The following ORC5 variants were observed in gnomAD, a reference collection of about 807,000 sequenced individuals.
ORC5 encodes origin recognition complex subunit 5, also known as protein phosphatase 1, regulatory subunit 117.
ORC5 carries 39 observed loss-of-function variants against 58.8 expected under a neutral mutation model. The ratio of observed to expected loss-of-function variants is 0.66; its 90% CI spans 0.51 to 0.87. The LOEUF (loss-of-function observed/expected upper bound fraction) is 0.87, where lower values mean the gene tolerates loss of function less well. ORC5 is among the 40% of genes least tolerant of loss of function. The pLI is 0.00. For synonymous variants in ORC5, 218 were observed against 177.6 expected (o/e 1.23, Z -1.81); for missense variants, 493 against 506.3 (o/e 0.97, Z 0.25).
chr7:104,144,056 T>G (rs1798716543), intron 12 of ORC5, among the ~76,000 whole-genome samples: 1 of 151,872 alleles, frequency 6.6e-6, no homozygotes, highest in Admixed American at 6.6e-5. Flanking sequence ...GGGGTGGAGG[T>G]TGCAGTGAGC....
At chr7:104,167,708 A>C (rs192711178) in intron 9 of ORC5, among the ~76,000 whole-genome samples, 7 of 152,348 alleles carry the variant, frequency 4.6e-5, no homozygotes, top group African/African-American at 1.7e-4. Context: ...CTTAAGCATC[A>C]CTTTGAATCT....
At position 104,200,929 on chromosome 7, in the gene ORC5, T is replaced by A; in HGVS notation, c.195A>T (p.Glu65Asp). The change falls in exon 3 of 14, where the codon GAA (glutamate) becomes GAT (aspartate). Residue 65 changes from glutamate (E) to aspartate (D), a missense_variant. Coordinates refer to ENST00000297431, the MANE Select transcript of ORC5 (RefSeq NM_002553.4). ...ELPHVFVNCVECFTLRLLLEQ... is the reference protein window; with the variant it reads ...ELPHVFVNCVDCFTLRLLLEQ... The stretch of plus-strand genomic sequence containing the variant: ...CCAAAAGCAGCCTCAATGTAAAGCA[T>A]TCAACACAATTCACAAACACATGTG... 6.2e-7 allele frequency: 1 copy of A among 1,613,422 alleles called. No individual in the cohort carries two copies. Among genetic ancestry groups the A allele is most frequent in the Non-Finnish European group, 8.5e-7 (1 of 1,179,530 alleles).
At chr7:104,130,289 C>T (rs2115725881) in intron 13 of ORC5, among the ~76,000 whole-genome samples, 1 of 152,314 alleles carries the variant, frequency 6.6e-6, no homozygotes, top group Middle Eastern at 3.4e-3. Context: ...CTAGAATCAG[C>T]TTCCTACAGC....
At chr7:104,143,559 A>T (rs950703798) in intron 12 of ORC5, among the ~76,000 whole-genome samples, 1 of 152,204 alleles carries the variant, frequency 6.6e-6, no homozygotes, top group African/African-American at 2.4e-5. Context: ...AGCAGCTAAA[A>T]GGAACTTCCA....
intron 12 of ORC5, among the ~76,000 whole-genome samples, chr7:104,153,485 A>G (rs915608322): frequency 1.3e-4 from 20 of 151,834 alleles, no homozygotes; most frequent in African/African-American, 4.6e-4. Flanking sequence ...ATGTCTCACA[A>G]TCTCAGTTGT....
At chr7:104,144,379 A>AT in intron 12 of ORC5, among the ~76,000 whole-genome samples, 1 of 152,334 alleles carries the variant, frequency 6.6e-6, no homozygotes, top group East Asian at 1.9e-4. Flanking sequence ...CTTCCTTTCT[A>AT]TTATCCAATC....
chr7:104,180,887 T>C (rs1310007185), intron 8 of ORC5, among the ~76,000 whole-genome samples: 1 of 152,182 alleles, frequency 6.6e-6, no homozygotes, highest in East Asian at 1.9e-4. Context: ...ATGGTAAACT[T>C]TCATCAAATT....
chr7:104,181,788 T>A, intron 8 of ORC5, among the ~76,000 whole-genome samples: 1 of 126,870 alleles, frequency 7.9e-6, no homozygotes, highest in Non-Finnish European at 1.7e-5. Flanking sequence ...CGAGACTCCG[T>A]CTCAAAAAAA....
intron 8 of ORC5, among the ~76,000 whole-genome samples, chr7:104,174,353 C>G (rs1799278540): frequency 6.6e-6 from 1 of 152,164 alleles, no homozygotes; most frequent in Admixed American, 6.5e-5. Flanking sequence ...CTAATACTCC[C>G]TGACAAGATT....
chr7:104,186,901 C>T (rs1799555945), intron 6 of ORC5, among the ~76,000 whole-genome samples: 1 of 152,134 alleles, frequency 6.6e-6, no homozygotes, highest in Non-Finnish European at 1.5e-5. Context: ...TAACCTCACC[C>T]TAAATAAAAT....
At chr7:104,166,115 A>G (rs1799103423) in intron 10 of ORC5, among the ~76,000 whole-genome samples, 1 of 152,206 alleles carries the variant, frequency 6.6e-6, no homozygotes, top group South Asian at 2.1e-4. Context: ...TGTAAGTCCA[A>G]AGAAGAAAGC....
intron 12 of ORC5, among the ~76,000 whole-genome samples, chr7:104,160,354 A>G (rs1036779585): frequency 6.6e-6 from 1 of 152,158 alleles, no homozygotes; most frequent in Non-Finnish European, 1.5e-5. Flanking sequence ...ATGCATAGAG[A>G]AAACAAAATG....
intron 6 of ORC5, among the ~76,000 whole-genome samples, chr7:104,185,784 C>T (rs1053301337): frequency 3.3e-5 from 5 of 151,738 alleles, no homozygotes; most frequent in Admixed American, 3.3e-4. Flanking sequence ...ATACTAATTC[C>T]ATTTATTTAA....
At chr7:104,195,629 G>A (rs1402190853) in intron 4 of ORC5, among the ~76,000 whole-genome samples, 2 of 152,092 alleles carry the variant, frequency 1.3e-5, no homozygotes, top group East Asian at 1.9e-4. Context: ...GGACTCAAGC[G>A]ATCCTCCTGC....
chr7:104,206,063 C>T (rs544825849), intron 1 of ORC5, among the ~76,000 whole-genome samples: 26 of 152,166 alleles, frequency 1.7e-4, no homozygotes, highest in Non-Finnish European at 3.4e-4. Context: ...TGCTGAGTAT[C>T]TCTGCTATCC....
At chr7:104,169,788 C>G (rs143509240) in intron 8 of ORC5, among the ~76,000 whole-genome samples, 2,254 of 152,146 alleles carry the variant, frequency 0.015, 59 homozygotes, top group African/African-American at 0.051. Context: ...TTTAATTTTC[C>G]CCTTTCTCTT....
intron 12 of ORC5, among the ~76,000 whole-genome samples, chr7:104,155,960 A>C (rs1027954581): frequency 2.6e-5 from 4 of 151,772 alleles, no homozygotes; most frequent in African/African-American, 9.7e-5. Flanking sequence ...CTATTTCTTT[A>C]AAAGCTGACA....
chr7:104,140,784 G>A (rs750434704), intron 12 of ORC5, among the ~76,000 whole-genome samples: 15 of 152,158 alleles, frequency 9.9e-5, no homozygotes, highest in Non-Finnish European at 1.0e-4. Flanking sequence ...GGCAAATGAG[G>A]TAGGGTGCAA....
chr7:104,153,795 AT>A (rs1482698725), intron 12 of ORC5, among the ~76,000 whole-genome samples: 1 of 152,114 alleles, frequency 6.6e-6, no homozygotes, highest in African/African-American at 2.4e-5. Context: ...TTACAGCTAG[AT>A]TTTAGGATGT....
Sources: gnomAD v4.1 joint callset for allele counts (sites outside exome capture counted in the v4.1 genomes callset) on GRCh38, gnomAD v4.1.1 for gene constraint, MANE v1.5 for transcripts, NCBI Gene and HGNC (gene_info 2026-07-23, HGNC 2026-07-21) for gene names.